SLC12A2: variants seen among roughly 807,000 people sequenced by gnomAD.
SLC12A2 encodes Na-K-2Cl cotransporter 1.
A neutral mutation model predicts 136.3 loss-of-function variants in SLC12A2; 67 were observed. That is an observed-to-expected ratio of 0.49 (90% CI 0.40 to 0.60). SLC12A2 has a LOEUF of 0.60. Ranked by LOEUF, SLC12A2 falls within the 20% of genes least tolerant of loss-of-function variation. The probability of loss-of-function intolerance (pLI) is 0.00; values close to 1 mark genes in which losing one functional copy is unlikely to be tolerated. For missense variants in SLC12A2, 1,322 were observed against 1,534.7 expected (o/e 0.86, Z 2.32); for synonymous variants, 619 against 562.9 (o/e 1.10, Z -1.41).
intron 1 of SLC12A2, among the ~76,000 whole-genome samples, chr5:128,096,967 A>G (rs149146762): frequency 1.1e-3 from 175 of 152,238 alleles, no homozygotes; most frequent in African/African-American, 3.9e-3. Flanking sequence ...AATTTCAATC[A>G]TTATAACATC....
chr5:128,097,210 G>A (rs1760576395), intron 1 of SLC12A2, among the ~76,000 whole-genome samples: 1 of 46,802 alleles, frequency 2.1e-5, no homozygotes, highest in Non-Finnish European at 3.7e-5. Context: ...GGAAGAGAAA[G>A]TAATATAAGT....
chr5:128,163,138 C>T (rs1164184564), intron 17 of SLC12A2, among the ~76,000 whole-genome samples: 1 of 152,136 alleles, frequency 6.6e-6, no homozygotes, highest in Non-Finnish European at 1.5e-5. Context: ...GGAAAGCAAC[C>T]TGGCAAAATG....
Position 128,175,242 on chromosome 5 carries a change from CCTTGGACCAATCATGTCT to C in SLC12A2, c.2929+579_2929+596del, listed in dbSNP as rs1217750813. ...TCCCATTCTTTTTCTGAAATTGTAA[CCTTGGACCAATCATGTCT>C]CTGTACAGTTTATCTCTTCTATATT... On this transcript the variant is annotated intron_variant, in intron 20 of 26. Transcript: ENST00000262461. 5.9e-5 allele frequency among the ~76,000 whole-genome samples: 9 copies of C among 152,082 alleles called. No individual in the cohort carries two copies. In the East Asian group the frequency reaches 1.7e-3, roughly 29 times the overall value.
chr5:128,117,507 A>G (rs1017198550), intron 4 of SLC12A2, among the ~76,000 whole-genome samples: 1 of 152,184 alleles, frequency 6.6e-6, no homozygotes, highest in Non-Finnish European at 1.5e-5. Flanking sequence ...AGTCGATGAG[A>G]TTTGTTCTTC....
intron 22 of SLC12A2, among the ~76,000 whole-genome samples, chr5:128,180,024 C>G (rs1338819712): frequency 8.7e-6 from 1 of 115,488 alleles, no homozygotes; most frequent in Non-Finnish European, 1.6e-5. Context: ...GGCTGGAGTA[C>G]AGTGGCGCAA....
intron 14 of SLC12A2, 150 bp from the exon 15 acceptor site, chr5:128,152,556 T>C (rs911809424): frequency 6.5e-6 from 4 of 612,634 alleles, no homozygotes; most frequent in East Asian, 5.6e-5. Flanking sequence ...AATATCTTGC[T>C]GTATATGTGA....
intron 14 of SLC12A2, 27 bp downstream of exon 14, chr5:128,151,423 C>G: frequency 6.3e-7 from 1 of 1,588,276 alleles, no homozygotes; most frequent in Non-Finnish European, 8.5e-7. Flanking sequence ...GTTTATATCC[C>G]AAGCTAGAAA....
At chr5:128,151,974 A>T (rs1762717791) in intron 14 of SLC12A2, among the ~76,000 whole-genome samples, 1 of 152,154 alleles carries the variant, frequency 6.6e-6, no homozygotes. Flanking sequence ...TCCAGGTAAG[A>T]TGATGATGCT....
At chr5:128,139,143 G>A (rs1004285010) in intron 9 of SLC12A2, among the ~76,000 whole-genome samples, 1 of 151,726 alleles carries the variant, frequency 6.6e-6, no homozygotes, top group Non-Finnish European at 1.5e-5. Context: ...TATTAATTAT[G>A]GTAAATTAAA....
At position 128,174,783 on chromosome 5, in the gene SLC12A2, A is replaced by T. The variant is rs1213971603; in HGVS notation, c.2929+117A>T. 3 of 782,882 alleles carry T rather than the reference A, an allele frequency of 3.8e-6. No homozygotes were observed. The East Asian group carries it at 9.7e-5, about 25-fold the overall frequency. The allele number at this position is 782,882 out of a possible 1,614,324, so 48.5% of individuals were successfully genotyped here. A position where few individuals can be genotyped will look rare whatever the true frequency, so the allele number is the denominator to read the frequency against. ...ACCTGTTCTCAAACTTGTACTGGTC[A>T]TTTCTAGCTGGTCAGGTAAAATTTA... On this transcript the variant is annotated intron_variant, in intron 20 of 26. Transcript: ENST00000262461.
intron 1 of SLC12A2, among the ~76,000 whole-genome samples, chr5:128,086,145 G>A (rs925461758): frequency 1.3e-5 from 2 of 152,146 alleles, no homozygotes; most frequent in Non-Finnish European, 2.9e-5. Context: ...AAGTATGTGA[G>A]CAGTAAAGTG....
chr5:128,114,614 C>A lies in SLC12A2; in HGVS notation c.981C>A (p.Ala327=), dbSNP rs768458943. Reference sequence around the variant, plus strand: ...TATCAGTCCTTGTAATAATGATGGCCACTGTTGTGACAACTATCACAGGAT... The same window carrying A: ...TATCAGTCCTTGTAATAATGATGGCAACTGTTGTGACAACTATCACAGGAT... ...IGLSVLVIMM[A]TVVTTITGLS... Residue 327 remains alanine (A), a synonymous_variant, in exon 4 of 27, where the codon GCC becomes GCA. Transcript: ENST00000262461. 2.5e-6 allele frequency: 4 copies of A among 1,611,694 alleles called. No homozygotes were observed. The highest frequency in any genetic ancestry group is 1.1e-5 in the South Asian group (1 of 91,004).
rs1169790957 is a variant in SLC12A2, at chr5:128,084,804, A to G, written c.756+94A>G. On this transcript the variant is annotated intron_variant, in intron 1 of 26. Coordinates refer to ENST00000262461, the MANE Select transcript of SLC12A2 (RefSeq NM_001046.3). The surrounding 1 kb of genome is among the most constrained non-coding windows in gnomAD (Gnocchi z 5.6). ...ACTCTTCCCGAGTTGAGGTGGCGGG[A>G]GTAGTAGACGTGCACGACTTGCTGG... 2.3e-5 allele frequency: 31 copies of G among 1,352,566 alleles called. No homozygotes were observed. The highest frequency in any genetic ancestry group is 3.1e-5 in the Non-Finnish European group (31 of 1,013,166). 83.8% of individuals were successfully genotyped at this position (1,352,566 alleles called of 1,614,324 possible).
intron 22 of SLC12A2, among the ~76,000 whole-genome samples, chr5:128,180,329 G>T (rs1001748855): frequency 9.2e-5 from 14 of 152,086 alleles, no homozygotes; most frequent in African/African-American, 3.1e-4. Flanking sequence ...TTATTGTTTT[G>T]CACTTTCCCT....
intron 20 of SLC12A2, among the ~76,000 whole-genome samples, chr5:128,174,927 TTAAA>T (rs975936376): frequency 6.6e-6 from 1 of 152,068 alleles, no homozygotes; most frequent in Non-Finnish European, 1.5e-5. Context: ...TATAGTTGCT[TTAAA>T]TAAAACATTT....
chr5:128,182,163 G>C (rs1430660371), intron 23 of SLC12A2, among the ~76,000 whole-genome samples: 2 of 151,996 alleles, frequency 1.3e-5, no homozygotes, highest in Non-Finnish European at 2.9e-5. Flanking sequence ...AAATTTAATA[G>C]TCAAACCTAT....
chr5:128,180,260 A>G (rs10059867), intron 22 of SLC12A2, among the ~76,000 whole-genome samples: 46,056 of 151,682 alleles, frequency 0.3, 8,117 homozygotes, highest in African/African-American at 0.49. Context: ...GTGAGCCACC[A>G]CGCCCAGCCC....
chr5:128,178,503 A>T, intron 21 of SLC12A2, 64 bp from the exon 22 acceptor site: 1 of 1,226,354 alleles, frequency 8.2e-7, no homozygotes. Context: ...AAATGATAGG[A>T]ATTCAGCAAA....
At chr5:128,095,137 G>T (rs1760476567) in intron 1 of SLC12A2, among the ~76,000 whole-genome samples, 1 of 152,114 alleles carries the variant, frequency 6.6e-6, no homozygotes, top group Admixed American at 6.5e-5. Flanking sequence ...AAATAAAAGT[G>T]TCTGGAACAT....
Sources: gnomAD v4.1 joint callset for allele counts (sites outside exome capture counted in the v4.1 genomes callset) on GRCh38, gnomAD v4.1.1 for gene constraint, Gnocchi (gnomAD v3.1) non-coding constraint, MANE v1.5 for transcripts, NCBI Gene and HGNC (gene_info 2026-07-23, HGNC 2026-07-21) for gene names.